ARHGAP15: variants seen among roughly 807,000 people sequenced by gnomAD.
The protein encoded by ARHGAP15 is rho GTPase-activating protein 15.
Under a neutral mutation model 63.7 loss-of-function variants are expected in ARHGAP15, and 51 were observed. That is an observed-to-expected ratio of 0.80 (90% CI 0.64 to 1.01). The LOEUF (loss-of-function observed/expected upper bound fraction) is 1.01, where lower values mean the gene tolerates loss of function less well. ARHGAP15 is among the 50% of genes least tolerant of loss of function. The pLI, the probability that ARHGAP15 is intolerant of heterozygous loss-of-function variation, is 0.00. For synonymous variants in ARHGAP15, 191 were observed against 193.8 expected (o/e 0.99, Z 0.12); for missense variants, 560 against 564.6 (o/e 0.99, Z 0.08).
chr2:143,529,795 G>T (rs1439978008), intron 10 of ARHGAP15, among the ~76,000 whole-genome samples: 1 of 152,076 alleles, frequency 6.6e-6, no homozygotes, highest in African/African-American at 2.4e-5. Context: ...ATCCCGCCAT[G>T]ATCTCTTGAA....
chr2:143,129,572 C>T (rs1024997485), intron 1 of ARHGAP15, 106 bp downstream of exon 1: 8 of 152,160 alleles, frequency 5.3e-5, no homozygotes, highest in African/African-American at 1.9e-4. Context: ...AAATATGACG[C>T]TTTTACCTGT....
intron 12 of ARHGAP15, among the ~76,000 whole-genome samples, chr2:143,679,735 CT>C: frequency 6.6e-6 from 1 of 151,692 alleles, no homozygotes; most frequent in Non-Finnish European, 1.5e-5. Context: ...GGTTCCTGTG[CT>C]TTCGTCCTCG....
At chr2:143,469,037 A>T (rs1232551912) in intron 8 of ARHGAP15, among the ~76,000 whole-genome samples, 1 of 152,074 alleles carries the variant, frequency 6.6e-6, no homozygotes, top group Non-Finnish European at 1.5e-5. Flanking sequence ...GAGAATTTAT[A>T]TTTTTTTACT....
chr2:143,730,945 T>TTTTTTA (rs34135034), intron 13 of ARHGAP15, among the ~76,000 whole-genome samples: 3 of 115,456 alleles, frequency 2.6e-5, no homozygotes, highest in East Asian at 2.8e-4. Flanking sequence ...TTTTTTTTTT[T>TTTTTTA]TGATTCAGTG....
chr2:143,693,606 A>G (rs1683711195), intron 12 of ARHGAP15, among the ~76,000 whole-genome samples: 1 of 152,306 alleles, frequency 6.6e-6, no homozygotes, highest in East Asian at 1.9e-4. Flanking sequence ...GTAATTTTCC[A>G]TTGTCAAATT....
intron 9 of ARHGAP15, among the ~76,000 whole-genome samples, chr2:143,493,277 A>G (rs1440747009): frequency 2.0e-5 from 3 of 152,084 alleles, no homozygotes; most frequent in Non-Finnish European, 4.4e-5. Flanking sequence ...GTTTCACGTT[A>G]CCTCCATGGC....
intron 13 of ARHGAP15, among the ~76,000 whole-genome samples, chr2:143,729,389 T>C (rs1160349093): frequency 6.6e-6 from 1 of 152,190 alleles, no homozygotes; most frequent in African/African-American, 2.4e-5. Flanking sequence ...TTTAATACAG[T>C]CTTTCATCAA....
At chr2:143,502,666 G>A (rs1023042792) in intron 9 of ARHGAP15, among the ~76,000 whole-genome samples, 3 of 151,840 alleles carry the variant, frequency 2.0e-5, no homozygotes, top group South Asian at 2.1e-4. Context: ...TGCAACCTCC[G>A]TCTCCCAGGT....
intron 6 of ARHGAP15, among the ~76,000 whole-genome samples, chr2:143,253,276 A>C (rs775818264): frequency 7.8e-5 from 11 of 140,176 alleles, no homozygotes; most frequent in Non-Finnish European, 1.3e-4. Context: ...GTTGAACTTA[A>C]AATGAATAGG....
intron 2 of ARHGAP15, chr2:143,171,834 C>A (rs1029568577): frequency 6.6e-6 from 1 of 152,024 alleles, no homozygotes; most frequent in Non-Finnish European, 1.5e-5. Context: ...ATAAATAAAT[C>A]TGTAGTGGGT....
At position 143,469,107 on chromosome 2, in the gene ARHGAP15, T is replaced by A. The variant is rs999343286; in HGVS notation, c.704-18266T>A. Among the ~76,000 whole-genome samples the A allele has an allele frequency of 2.0e-5, 3 of 152,288 alleles. No homozygotes were observed. In the South Asian group the frequency reaches 6.2e-4, roughly 32 times the overall value. On this transcript the variant is annotated intron_variant, in intron 8 of 13. Coordinates refer to ENST00000295095, the MANE Select transcript of ARHGAP15 (RefSeq NM_018460.4). ...ATAAGAGAAAGGATCAGATAAGCATTGCCACTTTAGAAGCTTTATAACTGT... is the reference window on the plus strand; with the variant it reads ...ATAAGAGAAAGGATCAGATAAGCATAGCCACTTTAGAAGCTTTATAACTGT...
At chr2:143,399,273 T>A (rs77307185) in intron 6 of ARHGAP15, among the ~76,000 whole-genome samples, 4 of 151,836 alleles carry the variant, frequency 2.6e-5, no homozygotes, top group African/African-American at 4.8e-5. Flanking sequence ...CTTTTTTTTT[T>A]ATCCTTTGAG....
At chr2:143,358,398 G>C (rs990275494) in intron 6 of ARHGAP15, among the ~76,000 whole-genome samples, 2 of 152,038 alleles carry the variant, frequency 1.3e-5, no homozygotes, top group Non-Finnish European at 2.9e-5. Context: ...GATTGAAAAT[G>C]TGTATGCCAT....
chr2:143,219,656 T>G (rs2105151650), intron 4 of ARHGAP15, among the ~76,000 whole-genome samples: 1 of 152,352 alleles, frequency 6.6e-6, no homozygotes, highest in Admixed American at 6.5e-5. Context: ...TTCTCCTGAA[T>G]GAGTGCACCA....
At chr2:143,286,936 A>AGT (rs2105102867) in intron 6 of ARHGAP15, among the ~76,000 whole-genome samples, 1 of 152,274 alleles carries the variant, frequency 6.6e-6, no homozygotes, top group South Asian at 2.1e-4. Flanking sequence ...GATCACCCTT[A>AGT]GTATATGGAC....
chr2:143,129,705 G>C (rs546700899), intron 1 of ARHGAP15, among the ~76,000 whole-genome samples: 64 of 152,182 alleles, frequency 4.2e-4, no homozygotes, highest in African/African-American at 1.2e-3. Flanking sequence ...CTAAGATTTT[G>C]TACTAAAATG....
chr2:143,260,966 A>C lies in ARHGAP15; in HGVS notation c.474+10366A>C, dbSNP rs140456346. ...TATATCCCTGTCTCTTTCATCTGTA[A>C]GTATAAAATTTCAACTAAATTATTC... On this transcript the variant is annotated intron_variant, in intron 6 of 13. Transcript: ENST00000295095. Among the ~76,000 whole-genome samples the C allele has an allele frequency of 6.7e-3, 1,013 of 152,296 alleles. 8 individuals carry two copies. The highest frequency in any genetic ancestry group is 6.9e-3 in the Non-Finnish European group (472 of 68,010).
chr2:143,438,917 C>A (rs1260074228), intron 8 of ARHGAP15, among the ~76,000 whole-genome samples: 1 of 151,822 alleles, frequency 6.6e-6, no homozygotes, highest in East Asian at 1.9e-4. Context: ...TTTCTAAAAC[C>A]TGAGCTATGG....
intron 11 of ARHGAP15, among the ~76,000 whole-genome samples, chr2:143,618,305 G>T (rs929847038): frequency 6.6e-6 from 1 of 152,134 alleles, no homozygotes; most frequent in Non-Finnish European, 1.5e-5. Flanking sequence ...CTTTCAATTT[G>T]ATTTTAGGGC....
Sources: allele counts gnomAD v4.1 joint callset (sites outside exome capture counted in the v4.1 genomes callset), GRCh38; gene constraint gnomAD v4.1.1; transcripts MANE v1.5; gene names NCBI Gene and HGNC (gene_info 2026-07-23, HGNC 2026-07-21).